Variants in PALS1 observed in about 807,000 individuals in gnomAD.
The protein encoded by PALS1 is protein PALS1.
In PALS1, 31 loss-of-function variants were observed where a neutral mutation model predicts 78.9. The observed-to-expected ratio is 0.39, with a 90% confidence interval of 0.30 to 0.53. The LOEUF (loss-of-function observed/expected upper bound fraction) is 0.53. Among genes scored for constraint, PALS1 ranks in the 20% least tolerant of loss-of-function variants. The pLI, the probability that PALS1 is intolerant of heterozygous loss-of-function variation, is 0.67. For missense variants in PALS1, 704 were observed against 826.5 expected, an observed-to-expected ratio of 0.85 and a Z score of 1.82; for synonymous variants, 276 against 270.9, an observed-to-expected ratio of 1.02 and a Z score of -0.18.
At chr14:67,273,829 T>C (rs1179595628) in intron 2 of PALS1, among the ~76,000 whole-genome samples, 2 of 152,230 alleles carry the variant, frequency 1.3e-5, no homozygotes, top group African/African-American at 4.8e-5. Flanking sequence ...TGGTGTGAGA[T>C]GGTATCTCAT....
Position 67,303,503 on chromosome 14 carries a change from C to G in PALS1, c.964-19C>G, listed in dbSNP as rs756288781. On this transcript the variant is annotated intron_variant, in intron 7 of 14. Transcript: ENST00000261681. ...TCATAAATGCAAATTTAAAAAATAACCTGATCTTTCTATTACAGTCTGATA... is the reference window on the plus strand; with the variant it reads ...TCATAAATGCAAATTTAAAAAATAAGCTGATCTTTCTATTACAGTCTGATA... 4.4e-6 allele frequency: 7 copies of G among 1,585,256 alleles called. No individual in the cohort carries two copies. In the East Asian group the frequency reaches 1.1e-4, roughly 25 times the overall value.
At chr14:67,274,307 T>C (rs1321117044) in intron 2 of PALS1, among the ~76,000 whole-genome samples, 1 of 152,222 alleles carries the variant, frequency 6.6e-6, no homozygotes, top group Non-Finnish European at 1.5e-5. Context: ...GTATAAGGTG[T>C]AAGGAAGGGA....
At position 67,281,868 on chromosome 14, in the gene PALS1, C is replaced by T. The variant is rs1196282132; in HGVS notation, c.367+2331C>T. On this transcript the variant is annotated intron_variant, in intron 3 of 14. Transcript: ENST00000261681. The stretch of plus-strand genomic sequence containing the variant: ...GAATGTTCTATTGCTGACTTTTTTA[C>T]AAATTCAGATTAAAGGATACCTCTA... Among the ~76,000 whole-genome samples, 3 of 151,370 alleles carry T rather than the reference C, an allele frequency of 2.0e-5. No homozygotes were observed. The East Asian group carries it at 5.8e-4, about 29-fold the overall frequency.
In PALS1 at chr14:67,306,156, G is replaced by C. The variant is rs562665255; in HGVS notation, c.1041+2557G>C. ...AGCTAATTTTTGTATTTTTAGCAGAGATGGGGTTTCACTATGTTGGCCATG... is the reference window on the plus strand; with the variant it reads ...AGCTAATTTTTGTATTTTTAGCAGACATGGGGTTTCACTATGTTGGCCATG... On this transcript the variant is annotated intron_variant, in intron 8 of 14. Transcript: ENST00000261681. Among the ~76,000 whole-genome samples the C allele has an allele frequency of 7.2e-5, 11 of 152,236 alleles. No individual in the cohort carries two copies. The South Asian group carries it at 2.3e-3, about 32-fold the overall frequency.
chr14:67,268,748 T>C (rs1450205070), intron 1 of PALS1, among the ~76,000 whole-genome samples: 1 of 152,214 alleles, frequency 6.6e-6, no homozygotes, highest in African/African-American at 2.4e-5. Context: ...CAACCTGTTT[T>C]GTCAGCAGGG....
intron 2 of PALS1, among the ~76,000 whole-genome samples, chr14:67,275,028 G>A (rs904147523): frequency 2.6e-5 from 4 of 152,174 alleles, no homozygotes; most frequent in Admixed American, 6.5e-5. Flanking sequence ...GGCTGAGACA[G>A]TGGGGTTTTC....
rs2084946988 is a variant in PALS1 at position 67,302,570 on chromosome 14, T to C, written c.962T>C (p.Leu321Ser). 6.7e-7 allele frequency: 1 copy of C among 1,493,198 alleles called. No individual in the cohort carries two copies. The highest frequency in any genetic ancestry group is 2.5e-5 in the East Asian group (1 of 39,400). 92.5% of individuals were successfully genotyped at this position (1,493,198 alleles called of 1,614,324 possible). Reference sequence around the variant, plus strand: ...GATGTCAATGAGGTTTTTGACTTGTTGGTAAGTTGACGCAGCTAGAAGAAT... The same window carrying C: ...GATGTCAATGAGGTTTTTGACTTGTCGGTAAGTTGACGCAGCTAGAAGAAT... ...GKDVNEVFDL[L>S]SDMHGTLTFV... Residue 321 changes from leucine (L) to serine (S), a missense_variant and splice_region_variant, in exon 7 of 15, where the codon TTG becomes TCG. By Grantham distance (145) the Leu-to-Ser change is moderately radical. Coordinates refer to ENST00000261681, the MANE Select transcript of PALS1 (RefSeq NM_022474.4).
chr14:67,303,375 A>G, intron 7 of PALS1, 147 bp from the exon 8 acceptor site: 1 of 626,936 alleles, frequency 1.6e-6, no homozygotes, highest in South Asian at 1.9e-5. Flanking sequence ...AGCCCCATTC[A>G]TTGCTTTGGT....
Position 67,327,750 on chromosome 14 carries a change from T to C in PALS1, c.1851+3938T>C, listed in dbSNP as rs571812436. Among the ~76,000 whole-genome samples, 25 of 152,316 alleles carry C rather than the reference T, an allele frequency of 1.6e-4. 1 individual carries two copies. The East Asian group carries it at 4.8e-3, about 29-fold the overall frequency. On this transcript the variant is annotated intron_variant, in intron 14 of 14. Coordinates refer to ENST00000261681, the MANE Select transcript of PALS1 (RefSeq NM_022474.4). The stretch of plus-strand genomic sequence containing the variant: ...TGAGAACATGCAGTGTTTGGTTTTC[T>C]GTCCTTGTGATAGTTTTCTCAGAAT...
At chr14:67,331,688 A>G (rs8020334) in intron 14 of PALS1, among the ~76,000 whole-genome samples, 12,271 of 152,232 alleles carry the variant, frequency 0.081, 1,170 homozygotes, top group African/African-American at 0.23. Flanking sequence ...CACAAAATGG[A>G]ATAACAATGC....
intron 1 of PALS1, among the ~76,000 whole-genome samples, chr14:67,252,227 T>G (rs1376442148): frequency 1.3e-5 from 2 of 152,208 alleles, no homozygotes; most frequent in Admixed American, 1.3e-4. Context: ...TCTTGCTCTG[T>G]CACCCAGGCT....
Position 67,334,953 on chromosome 14 carries a change from A to T in PALS1, c.*1997A>T, listed in dbSNP as rs952777351. 1 of 152,206 alleles carries T rather than the reference A, an allele frequency of 6.6e-6. No homozygotes were observed. The highest frequency in any genetic ancestry group is 1.5e-5 in the Non-Finnish European group (1 of 68,032). The allele number at this position is 152,206 out of a possible 1,614,324, so 9.4% of individuals were successfully genotyped here. A position where few individuals can be genotyped will look rare whatever the true frequency, so the allele number is the denominator to read the frequency against. On this transcript the variant is annotated 3_prime_UTR_variant, in exon 15 of 15. Transcript: ENST00000261681. ...GCTAAACTATTGGCAGTTCATGTTA[A>T]GTTAGAGTGAGGGTGTAGGTAGTGT...
intron 2 of PALS1, among the ~76,000 whole-genome samples, chr14:67,277,653 A>G (rs749302482): frequency 1.3e-5 from 2 of 152,238 alleles, no homozygotes; most frequent in Non-Finnish European, 2.9e-5. Flanking sequence ...TATGTAAACA[A>G]CCTGCCTATG....
At position 67,292,599 on chromosome 14, in the gene PALS1, A is replaced by G. The variant is rs2084789542; in HGVS notation, c.456A>G (p.Gln152=). The G allele has an allele frequency of 1.9e-6, 3 of 1,613,710 alleles. No homozygotes were observed. The highest frequency in any genetic ancestry group is 1.1e-5 in the South Asian group (1 of 91,070). Residue 152 remains glutamine, a synonymous_variant, in exon 4 of 15, where the codon CAA becomes CAG. Coordinates refer to ENST00000261681, the MANE Select transcript of PALS1 (RefSeq NM_022474.4). Reference sequence around the variant, plus strand: ...AGGAGGATATTTCACTGCTTTTACAACTTGTTCAAAATAAGGATTTCCAGA... The same window carrying G: ...AGGAGGATATTTCACTGCTTTTACAGCTTGTTCAAAATAAGGATTTCCAGA... ...QSQEDISLLL[Q]LVQNKDFQNA... is the part of the protein sequence containing the mutation.
At chr14:67,264,888 T>C (rs1328034904) in intron 1 of PALS1, among the ~76,000 whole-genome samples, 1 of 152,222 alleles carries the variant, frequency 6.6e-6, no homozygotes, top group Non-Finnish European at 1.5e-5. Context: ...TCTTCTAAGC[T>C]AATGATACTG....
At chr14:67,306,094 C>T (rs2084997904) in intron 8 of PALS1, among the ~76,000 whole-genome samples, 1 of 152,186 alleles carries the variant, frequency 6.6e-6, no homozygotes, top group African/African-American at 2.4e-5. Flanking sequence ...TTCAGCCTCC[C>T]TAGTAGCTGA....
chr14:67,328,697 G>C (rs573207928), intron 14 of PALS1, among the ~76,000 whole-genome samples: 19 of 152,250 alleles, frequency 1.2e-4, no homozygotes, highest in South Asian at 1.0e-3. Flanking sequence ...TCTACATATG[G>C]CTAGCCAGTT....
At chr14:67,331,446 C>T (rs1316086640) in intron 14 of PALS1, among the ~76,000 whole-genome samples, 1 of 151,444 alleles carries the variant, frequency 6.6e-6, no homozygotes, top group African/African-American at 2.4e-5. Context: ...AAAATGATGG[C>T]GTTACAAAAT....
chr14:67,284,238 G>T (rs1389547730), intron 3 of PALS1, among the ~76,000 whole-genome samples: 1 of 151,700 alleles, frequency 6.6e-6, no homozygotes, highest in Non-Finnish European at 1.5e-5. Context: ...CTTTATTAAG[G>T]TATAATTCAC....
Sources: allele counts gnomAD v4.1 joint callset (sites outside exome capture counted in the v4.1 genomes callset), GRCh38; gene constraint gnomAD v4.1.1; transcripts MANE v1.5; gene names NCBI Gene and HGNC (gene_info 2026-07-23, HGNC 2026-07-21).